ZNF534: variants seen among roughly 807,000 people sequenced by gnomAD.
ZNF534 encodes the protein KRAB domain only 3.
Under a neutral mutation model 13.6 loss-of-function variants are expected in ZNF534, and 19 were observed. The ratio of observed to expected loss-of-function variants is 1.40; its 90% confidence interval spans 0.97 to 2.05. The LOEUF (loss-of-function observed/expected upper bound fraction) is 2.05. Among genes scored for constraint, ZNF534 ranks in the 30% most tolerant of loss-of-function variants. The pLI, the probability that ZNF534 is intolerant of heterozygous loss-of-function variation, is 0.00. For synonymous variants in ZNF534, 244 were observed against 273.8 expected (o/e 0.89, Z 1.07); for missense variants, 782 against 796.3 (o/e 0.98, Z 0.22).
Position 52,440,500 on chromosome 19 carries a change from G to A in ZNF534, c.*1054G>A, listed in dbSNP as rs1164953626. On this transcript the variant is annotated 3_prime_UTR_variant, in exon 5 of 5. Coordinates refer to ENST00000433050, the MANE Select transcript of ZNF534 (RefSeq NM_001143938.3). Reference sequence around the variant, plus strand: ...GCACATCAAATAATTCATACTGGAGGCTGGGTGCGGTGGCTCACGCCTGTA... The same window carrying A: ...GCACATCAAATAATTCATACTGGAGACTGGGTGCGGTGGCTCACGCCTGTA... 6.6e-6 allele frequency among the ~76,000 whole-genome samples: 1 copy of A among 152,182 alleles called. No individual in the cohort carries two copies. Among genetic ancestry groups the A allele is most frequent in the African/African-American group, 2.4e-5 (1 of 41,448 alleles).
At position 52,431,579 on chromosome 19, in the gene ZNF534, C is replaced by G. The variant is rs1282906405; in HGVS notation, c.15+90C>G. 4 of 1,540,534 alleles carry G rather than the reference C, an allele frequency of 2.6e-6. No individual in the cohort carries two copies. The African/African-American group carries it at 4.1e-5, about 16-fold the overall frequency. ...TTGCTAATCTCTGACTCTGAAGCAT[C>G]CTGCCTGACTCATTTCATTGCACTT... On this transcript the variant is annotated intron_variant, in intron 2 of 4. Transcript: ENST00000433050.
At chr19:52,448,612 TGCATTATTTGG>T (rs1040300149) in intron 4 of ZNF534, among the ~76,000 whole-genome samples, 20 of 152,264 alleles carry the variant, frequency 1.3e-4, no homozygotes, top group Non-Finnish European at 2.5e-4. Flanking sequence ...GCCTGAAAAT[TGCATTATTTGG>T]GCATTATTTG....
exon 5 of ZNF534, chr19:52,451,936 A>G: frequency 2.3e-6 from 1 of 434,022 alleles, no homozygotes; most frequent in South Asian, 2.5e-5. Context: ...TCTACCGGAA[A>G]GAATTAAAAT....
chr19:52,432,312 C>T (rs1332983590), intron 2 of ZNF534, among the ~76,000 whole-genome samples: 4 of 152,112 alleles, frequency 2.6e-5, no homozygotes, highest in Non-Finnish European at 4.4e-5. Flanking sequence ...AATTAGGTAA[C>T]TGTCAATTTA....
rs1175060216 is a variant in ZNF534 at position 52,437,868 on chromosome 19, G to T, written c.408G>T (p.Glu136Asp). ...VRNIYGCKHV[E>D]KSISDNSSVS... The stretch of plus-strand genomic sequence containing the variant: ...ATATTTATGGATGTAAGCATGTTGA[G>T]AAATCTATCAGTGACAATTCTTCAG... Residue 136 changes from glutamate to aspartate, a missense_variant, in exon 5 of 5, where the codon GAG (glutamate) becomes GAT (aspartate). Physicochemically the swap from Glu to Asp is conservative, Grantham distance 45. Coordinates refer to ENST00000433050, the MANE Select transcript of ZNF534 (RefSeq NM_001143938.3). 6.2e-7 allele frequency: 1 copy of T among 1,613,672 alleles called. No homozygotes were observed. Among genetic ancestry groups the T allele is most frequent in the African/African-American group, 1.3e-5 (1 of 74,920 alleles).
At chr19:52,432,882 G>A (rs2059097769) in intron 2 of ZNF534, among the ~76,000 whole-genome samples, 2 of 151,894 alleles carry the variant, frequency 1.3e-5, no homozygotes, top group Non-Finnish European at 2.9e-5. Flanking sequence ...CACCTGCCTC[G>A]GCCTCCCAAA....
intron 1 of ZNF534, among the ~76,000 whole-genome samples, chr19:52,430,022 T>G (rs199618219): frequency 0.15 from 22,351 of 149,272 alleles, 2,429 homozygotes; most frequent in African/African-American, 0.31. Flanking sequence ...AATTTTTTTT[T>G]TGGGTTTTTT....
rs192312149 is a variant in ZNF534, at chr19:52,440,738, G to A, written c.*1292G>A. 2.5e-3 allele frequency among the ~76,000 whole-genome samples: 369 copies of A among 150,550 alleles called. No individual in the cohort carries two copies. Among genetic ancestry groups the A allele is most frequent in the Admixed American group, 6.6e-3 (99 of 15,062 alleles). Reference sequence around the variant, plus strand: ...GGAGGTTGCAGTGAGCCAAGAATGCGCTACTACACTCCAGCCTGTGTGACA... The same window carrying A: ...GGAGGTTGCAGTGAGCCAAGAATGCACTACTACACTCCAGCCTGTGTGACA... On this transcript the variant is annotated 3_prime_UTR_variant, in exon 5 of 5. Transcript: ENST00000433050.
downstream of ZNF534, among the ~76,000 whole-genome samples, chr19:52,442,616 G>A (rs545902324): frequency 1.3e-5 from 2 of 152,310 alleles, no homozygotes; most frequent in African/African-American, 4.8e-5. Context: ...CCATGACTGA[G>A]CTGGTCTCAG....
chr19:52,439,585 TACAAAAAA>T lies in ZNF534; in HGVS notation c.*141_*148del, dbSNP rs780681821. 1.3e-3 allele frequency: 506 copies of T among 393,432 alleles called. 3 individuals are homozygous for T. Among genetic ancestry groups the T allele is most frequent in the Non-Finnish European group, 1.6e-3 (456 of 277,584 alleles). 24.4% of individuals were successfully genotyped at this position (393,432 alleles called of 1,614,324 possible). Reference sequence around the variant, plus strand: ...GGTGAAACCCCATCTCTACTAAAAATACAAAAAAAAAAAAAAAAAAAAAATTAGCTGGG... The same window carrying T: ...GGTGAAACCCCATCTCTACTAAAAATAAAAAAAAAAAAAAAATTAGCTGGG... On this transcript the variant is annotated 3_prime_UTR_variant, in exon 5 of 5. Coordinates refer to ENST00000433050, the MANE Select transcript of ZNF534 (RefSeq NM_001143938.3).
chr19:52,451,911 TC>T, exon 5 of ZNF534: 2 of 537,658 alleles, frequency 3.7e-6, no homozygotes, highest in East Asian at 4.3e-5. Context: ...CAAAAGGGGA[TC>T]AGGAGGTTTT....
At chr19:52,434,724 C>G (rs1478271662) in intron 3 of ZNF534, among the ~76,000 whole-genome samples, 5 of 139,774 alleles carry the variant, frequency 3.6e-5, no homozygotes, top group African/African-American at 8.1e-5. Context: ...GAGTGAGACT[C>G]TGTCTCAAAA....
chr19:52,437,511 G>A (rs1281308452), intron 4 of ZNF534, among the ~76,000 whole-genome samples: 1 of 152,114 alleles, frequency 6.6e-6, no homozygotes, highest in Non-Finnish European at 1.5e-5. Flanking sequence ...CTAGCTACTT[G>A]GGAGGGAGAA....
rs1781042446 is a variant in ZNF534, at chr19:52,440,445, T to C, written c.*999T>C. Among the ~76,000 whole-genome samples, 1 of 152,196 alleles carries C rather than the reference T, an allele frequency of 6.6e-6. No homozygotes were observed. The highest frequency in any genetic ancestry group is 1.5e-5 in the Non-Finnish European group (1 of 68,040). ...AGATACCTTTTAAATGTAGCAAATA[T>C]GGCAAAGTCAAAGTCACAATTCACA... On this transcript the variant is annotated 3_prime_UTR_variant, in exon 5 of 5. Transcript: ENST00000433050.
rs919743113 is a variant in ZNF534, at chr19:52,439,855, G to T, written c.*409G>T. On this transcript the variant is annotated 3_prime_UTR_variant, in exon 5 of 5. Coordinates refer to ENST00000433050, the MANE Select transcript of ZNF534 (RefSeq NM_001143938.3). ...AGGCCAAGGTGGCCAGATCACCTGA[G>T]GTTAGAAGTTCGAGACCAGCCTGAC... 1.3e-5 allele frequency among the ~76,000 whole-genome samples: 2 copies of T among 152,028 alleles called. No individual in the cohort carries two copies. Among genetic ancestry groups the T allele is most frequent in the Admixed American group, 1.3e-4 (2 of 15,258 alleles).
rs1896644 is a variant in ZNF534, at chr19:52,441,917, G to A, written c.*2471G>A. On this transcript the variant is annotated 3_prime_UTR_variant, in exon 5 of 5. Transcript: ENST00000433050. Reference sequence around the variant, plus strand: ...TTTATTCATGAAAGAGTCCTTACAAGCTGTGTACGGAAAGCTCGTCATGAG... The same window carrying A: ...TTTATTCATGAAAGAGTCCTTACAAACTGTGTACGGAAAGCTCGTCATGAG... Among the ~76,000 whole-genome samples the A allele has an allele frequency of 0.94, 143,712 of 152,294 alleles. 68,051 individuals are homozygous for A. Among genetic ancestry groups the A allele is most frequent in the Non-Finnish European group, 0.96 (65,621 of 68,040 alleles).
intron 3 of ZNF534, among the ~76,000 whole-genome samples, chr19:52,434,396 C>T (rs1301241735): frequency 7.5e-5 from 10 of 132,962 alleles, no homozygotes; most frequent in East Asian, 6.8e-4. Context: ...ACCCGGGAGG[C>T]GGAGCTTGCA....
At chr19:52,450,302 C>T (rs1347780477) in intron 4 of ZNF534, among the ~76,000 whole-genome samples, 1 of 152,130 alleles carries the variant, frequency 6.6e-6, no homozygotes, top group African/African-American at 2.4e-5. Flanking sequence ...TTTATAGTTT[C>T]AGATCTTCCA....
rs2059140631 is a variant in ZNF534, at chr19:52,438,081, C to G, written c.621C>G (p.Ile207Met). 1.9e-6 allele frequency: 3 copies of G among 1,614,144 alleles called. No homozygotes were observed. Among genetic ancestry groups the G allele is most frequent in the Non-Finnish European group, 2.5e-6 (3 of 1,180,030 alleles). Residue 207 changes from isoleucine to methionine, a missense_variant, in exon 5 of 5, where the codon ATC (isoleucine) becomes ATG (methionine). By Grantham distance (10) the Ile-to-Met change is conservative. Transcript: ENST00000433050. ...CAAGCCTTACTAACCGTCAAGTAATCCACATTGCAGATAAAACTTACAAAT... is the reference window on the plus strand; with the variant it reads ...CAAGCCTTACTAACCGTCAAGTAATGCACATTGCAGATAAAACTTACAAAT... Reference protein sequence around the residue: ...VSSSLTNRQVIHIADKTYKCS... With the variant: ...VSSSLTNRQVMHIADKTYKCS...
Sources: allele counts gnomAD v4.1 joint callset (sites outside exome capture counted in the v4.1 genomes callset), GRCh38; gene constraint gnomAD v4.1.1; transcripts MANE v1.5; gene names NCBI Gene and HGNC (gene_info 2026-07-23, HGNC 2026-07-21).